The following FOXO1 variants were observed in gnomAD, a reference collection of about 807,000 sequenced individuals.
FOXO1 encodes the protein forkhead box protein O1.
Under a neutral mutation model 44.1 loss-of-function variants are expected in FOXO1, and 6 were observed. That is an observed-to-expected ratio of 0.14 (90% CI 0.07 to 0.27). The LOEUF is 0.27. Ranked by LOEUF, FOXO1 falls within the 10% of genes least tolerant of loss-of-function variation. The pLI is 1.00. For synonymous variants in FOXO1, 380 were observed against 362.7 expected, an observed-to-expected ratio of 1.05 and a Z score of -0.54; for missense variants, 737 against 888.8, an observed-to-expected ratio of 0.83 and a Z score of 2.17.
At chr13:40,569,386 A>G (rs933903789) in intron 1 of FOXO1, among the ~76,000 whole-genome samples, 1 of 152,258 alleles carries the variant, frequency 6.6e-6, no homozygotes. Flanking sequence ...CATGATATAC[A>G]TGAAGTTGCC....
intron 1 of FOXO1, among the ~76,000 whole-genome samples, chr13:40,614,137 C>T (rs1876330801): frequency 6.6e-6 from 1 of 152,100 alleles, no homozygotes; most frequent in Admixed American, 6.5e-5. Flanking sequence ...TGGAAAAGTC[C>T]CAGGGAACTA....
chr13:40,588,633 T>C (rs934876962), intron 1 of FOXO1, among the ~76,000 whole-genome samples: 3 of 152,214 alleles, frequency 2.0e-5, no homozygotes, highest in African/African-American at 4.8e-5. Flanking sequence ...ATTATTTTCC[T>C]GTTATCCATC....
At chr13:40,599,190 C>A in intron 1 of FOXO1, among the ~76,000 whole-genome samples, 1 of 141,088 alleles carries the variant, frequency 7.1e-6, no homozygotes, top group African/African-American at 2.6e-5. Context: ...CAAAACATGG[C>A]AATAAAAGTC....
rs578017320 is a variant in FOXO1 at position 40,605,104 on chromosome 13, T to C, written c.631-44244A>G. Among the ~76,000 whole-genome samples, 8 of 151,834 alleles carry C rather than the reference T, an allele frequency of 5.3e-5. 1 individual carries two copies. The highest frequency in any genetic ancestry group is 1.9e-4 in the African/African-American group (8 of 41,506). ...TATCATATATATGTATATGTTGATA[T>C]ATATAAAATACATATAAATATATAT... On this transcript the variant is annotated intron_variant, in intron 1 of 2. Transcript: ENST00000379561.
In FOXO1 at chr13:40,560,924, C is replaced by T; in HGVS notation, c.631-64G>A. 1 of 1,458,094 alleles carries T rather than the reference C, an allele frequency of 6.9e-7. No homozygotes were observed. Among genetic ancestry groups the T allele is most frequent in the Non-Finnish European group, 9.2e-7 (1 of 1,086,212 alleles). The allele number at this position is 1,458,094 out of a possible 1,614,324, so 90.3% of individuals were successfully genotyped here. On this transcript the variant is annotated intron_variant, in intron 1 of 2. Transcript: ENST00000379561. The surrounding 1 kb of genome is among the most constrained non-coding windows in gnomAD (Gnocchi z 5.1). ...TCTGCTTGCAAAACTTCCTATTCTA[C>T]ATGTATTACATGGAAAACAAGTAAA...
At chr13:40,579,206 G>A (rs1023533912) in intron 1 of FOXO1, among the ~76,000 whole-genome samples, 4 of 152,182 alleles carry the variant, frequency 2.6e-5, no homozygotes, top group African/African-American at 7.2e-5. Context: ...CTCACTGAAA[G>A]CCCCAGTGCT....
At chr13:40,567,027 T>C (rs1479986699) in intron 1 of FOXO1, among the ~76,000 whole-genome samples, 1 of 152,072 alleles carries the variant, frequency 6.6e-6, no homozygotes, top group African/African-American at 2.4e-5. Context: ...CCCAGCCACT[T>C]CTCTTCACCC....
intron 1 of FOXO1, among the ~76,000 whole-genome samples, chr13:40,664,319 A>C (rs1878143275): frequency 6.6e-6 from 1 of 152,110 alleles, no homozygotes; most frequent in African/African-American, 2.4e-5. Context: ...CCTTTACAGC[A>C]ATTCCGCCAC....
intron 1 of FOXO1, among the ~76,000 whole-genome samples, chr13:40,566,045 AT>A (rs1431628073): frequency 5.3e-5 from 8 of 152,208 alleles, no homozygotes; most frequent in African/African-American, 1.9e-4. Context: ...TCACTAGAAT[AT>A]TTAAGTCTTC....
At chr13:40,590,188 G>A (rs1476283979) in intron 1 of FOXO1, among the ~76,000 whole-genome samples, 1 of 152,138 alleles carries the variant, frequency 6.6e-6, no homozygotes, top group Non-Finnish European at 1.5e-5. Context: ...CTGGCATAGT[G>A]ACGCAAAGAA....
At chr13:40,599,149 T>C (rs1875717653) in intron 1 of FOXO1, among the ~76,000 whole-genome samples, 1 of 147,984 alleles carries the variant, frequency 6.8e-6, no homozygotes, top group South Asian at 2.2e-4. Flanking sequence ...AAAACAAGTA[T>C]ATCCACATTA....
chr13:40,605,995 T>C (rs976726379), intron 1 of FOXO1, among the ~76,000 whole-genome samples: 1 of 151,856 alleles, frequency 6.6e-6, no homozygotes. Context: ...AAAAAAAAAA[T>C]TATAACAATA....
chr13:40,573,479 T>C (rs1266128848), intron 1 of FOXO1, among the ~76,000 whole-genome samples: 1 of 152,152 alleles, frequency 6.6e-6, no homozygotes, highest in African/African-American at 2.4e-5. Context: ...GAAGGGAGAA[T>C]GTCAGGTAGG....
At chr13:40,655,475 T>C (rs1252102379) in intron 1 of FOXO1, among the ~76,000 whole-genome samples, 1 of 152,036 alleles carries the variant, frequency 6.6e-6, no homozygotes, top group Non-Finnish European at 1.5e-5. Context: ...TGAAAGCTAT[T>C]TTCTCCACGT....
rs148258089 is a variant in FOXO1 at position 40,656,230 on chromosome 13, A to G, written c.630+9353T>C. On this transcript the variant is annotated intron_variant, in intron 1 of 2. Coordinates refer to ENST00000379561, the MANE Select transcript of FOXO1 (RefSeq NM_002015.4). ...GGTTAGTGGGAAGATAATTATTGCA[A>G]TAAGAAAGCCATCAAGGATATCTAA... Among the ~76,000 whole-genome samples, 206 of 152,332 alleles carry G rather than the reference A, an allele frequency of 1.4e-3. 2 individuals carry two copies. Among genetic ancestry groups the G allele is most frequent in the African/African-American group, 4.7e-3 (195 of 41,582 alleles).
intron 1 of FOXO1, among the ~76,000 whole-genome samples, chr13:40,604,528 C>T (rs2137883333): frequency 6.6e-6 from 1 of 152,232 alleles, no homozygotes; most frequent in East Asian, 1.9e-4. Context: ...ATATTGGCAT[C>T]AGGCAAGGAC....
At chr13:40,559,408 G>A in intron 2 of FOXO1, 101 bp downstream of exon 2, 1 of 1,054,742 alleles carries the variant, frequency 9.5e-7, no homozygotes, top group Non-Finnish European at 1.4e-6. Context: ...GCAAGGGACA[G>A]TCAGTTGACA....
chr13:40,634,178 G>T (rs1262354479), intron 1 of FOXO1, among the ~76,000 whole-genome samples: 1 of 152,168 alleles, frequency 6.6e-6, no homozygotes, highest in Non-Finnish European at 1.5e-5. Context: ...ATGTAAAGAA[G>T]TTTCCCTTTG....
chr13:40,577,003 C>A (rs547252614), intron 1 of FOXO1, among the ~76,000 whole-genome samples: 2 of 152,264 alleles, frequency 1.3e-5, no homozygotes, highest in South Asian at 4.1e-4. Context: ...TACAATGTAA[C>A]CATGGATTGT....
Sources: gnomAD v4.1 joint callset for allele counts (sites outside exome capture counted in the v4.1 genomes callset) on GRCh38, gnomAD v4.1.1 for gene constraint, Gnocchi (gnomAD v3.1) non-coding constraint, MANE v1.5 for transcripts, NCBI Gene and HGNC (gene_info 2026-07-23, HGNC 2026-07-21) for gene names.